Variants in ZNF26 observed in about 807,000 individuals in gnomAD.
ZNF26 encodes zinc finger protein 26.
Under a neutral mutation model 54.9 loss-of-function variants are expected in ZNF26, and 32 were observed. That is an observed-to-expected ratio of 0.58 (90% confidence interval 0.44 to 0.78). The LOEUF is 0.78. Among genes scored for constraint, ZNF26 ranks in the 30% least tolerant of loss-of-function variants. The probability of loss-of-function intolerance (pLI) is 0.00; values close to 1 mark genes in which losing one functional copy is unlikely to be tolerated. For synonymous variants in ZNF26, 221 were observed against 209.2 expected (o/e 1.06, Z -0.49); for missense variants, 524 against 634.0 (o/e 0.83, Z 1.86).
At position 133,013,969 on chromosome 12, in the gene ZNF26, GTAGTTGAGGTA is replaced by G; in HGVS notation, c.*2491_*2501del. 1 of 152,364 alleles carries G rather than the reference GTAGTTGAGGTA, an allele frequency of 6.6e-6. No individual in the cohort carries two copies. The highest frequency in any genetic ancestry group is 6.5e-5 in the Admixed American group (1 of 15,296). The allele number at this position is 152,364 out of a possible 1,614,324, so 9.4% of individuals were successfully genotyped here. ...TTTTGCACAGCCATGGCACAGTTGA[GTAGTTGAGGTA>G]TAAAAAACCTGCCACCTCCTGATAC... On this transcript the variant is annotated 3_prime_UTR_variant, in exon 4 of 4. Coordinates refer to ENST00000328654, the MANE Select transcript of ZNF26 (RefSeq NM_019591.4).
At chr12:133,000,958 T>C (rs1953206512) in intron 1 of ZNF26, among the ~76,000 whole-genome samples, 1 of 152,148 alleles carries the variant, frequency 6.6e-6, no homozygotes, top group Non-Finnish European at 1.5e-5. Flanking sequence ...CTACCTGCTA[T>C]CTGCTGTGCA....
chr12:133,001,133 T>C lies in ZNF26; in HGVS notation c.34-5909T>C, dbSNP rs1953210740. ...CAGCTTGATAAGCACCTCAACGTAA[T>C]AAGGGCACAGTAGTGGCTTCATTTT... On this transcript the variant is annotated intron_variant, in intron 1 of 3. Transcript: ENST00000328654. The surrounding 1 kb of genome is among the most constrained non-coding windows in gnomAD (Gnocchi z 4.7). Among the ~76,000 whole-genome samples, 1 of 152,172 alleles carries C rather than the reference T, an allele frequency of 6.6e-6. No individual in the cohort carries two copies. The highest frequency in any genetic ancestry group is 1.5e-5 in the Non-Finnish European group (1 of 68,034).
rs371690299 is a variant in ZNF26, at chr12:133,016,263, G to A, written c.*4782G>A. On this transcript the variant is annotated 3_prime_UTR_variant, in exon 4 of 4. Coordinates refer to ENST00000328654, the MANE Select transcript of ZNF26 (RefSeq NM_019591.4). Reference sequence around the variant, plus strand: ...AATTTTTGTATTTTTAGTAGAGATGGGGTTTCACCATTTTGGCCAGGATGG... The same window carrying A: ...AATTTTTGTATTTTTAGTAGAGATGAGGTTTCACCATTTTGGCCAGGATGG... The A allele has an allele frequency of 6.6e-5, 10 of 151,526 alleles. No individual in the cohort carries two copies. Among genetic ancestry groups the A allele is most frequent in the African/African-American group, 2.4e-4 (10 of 41,240 alleles). The allele number at this position is 151,526 out of a possible 1,614,324, so 9.4% of individuals were successfully genotyped here.
At position 133,026,161 on chromosome 12, in the gene ZNF26, G is replaced by A. The variant is rs1953702224; in HGVS notation, c.*14680G>A. On this transcript the variant is annotated 3_prime_UTR_variant, in exon 4 of 4. Transcript: ENST00000328654. ...CTCTTTCCCAGGCTGGAGTGCAGTG[G>A]CACGATCCTGGCTCACTGCAGCCTC... 1 of 152,054 alleles carries A rather than the reference G, an allele frequency of 6.6e-6. No homozygotes were observed. The highest frequency in any genetic ancestry group is 6.6e-5 in the Admixed American group (1 of 15,264). 9.4% of individuals were successfully genotyped at this position (152,054 alleles called of 1,614,324 possible). A position where few individuals can be genotyped will look rare whatever the true frequency, so the allele number is the denominator to read the frequency against.
chr12:132,995,896 C>T (rs1337661241), intron 1 of ZNF26, among the ~76,000 whole-genome samples: 1 of 152,190 alleles, frequency 6.6e-6, no homozygotes, highest in East Asian at 1.9e-4. Context: ...AGGTGATCCA[C>T]CCACCTTGGC....
At chr12:133,009,430 A>G (rs1025672719) in intron 3 of ZNF26, among the ~76,000 whole-genome samples, 144 of 152,204 alleles carry the variant, frequency 9.5e-4, no homozygotes, top group African/African-American at 3.4e-3. Context: ...CATCTCTACT[A>G]AAAATACAAA....
intron 1 of ZNF26, among the ~76,000 whole-genome samples, chr12:133,000,386 G>A (rs1953185506): frequency 6.6e-6 from 1 of 151,072 alleles, no homozygotes; most frequent in Non-Finnish European, 1.5e-5. Flanking sequence ...CGAGTAGTGG[G>A]GACTACAGGC....
intron 1 of ZNF26, among the ~76,000 whole-genome samples, chr12:132,994,337 G>A (rs1953027178): frequency 6.6e-6 from 1 of 152,178 alleles, no homozygotes; most frequent in Non-Finnish European, 1.5e-5. Flanking sequence ...TTCTCTTTCA[G>A]ATCTAAGAAG....
intron 1 of ZNF26, among the ~76,000 whole-genome samples, chr12:132,990,388 C>T (rs2137209794): frequency 6.6e-6 from 1 of 152,294 alleles, no homozygotes; most frequent in South Asian, 2.1e-4. Flanking sequence ...CCTTACATAC[C>T]AGGAATAAAT....
At chr12:132,990,303 T>C (rs1952920923) in intron 1 of ZNF26, among the ~76,000 whole-genome samples, 1 of 151,958 alleles carries the variant, frequency 6.6e-6, no homozygotes, top group African/African-American at 2.4e-5. Context: ...AGAAAAAAAG[T>C]TTTTTCTGCA....
In ZNF26 at chr12:133,015,211, G is replaced by A. The variant is rs61953678; in HGVS notation, c.*3730G>A. 0.2 allele frequency: 30,623 copies of A among 151,770 alleles called. 3,924 individuals are homozygous for A. The highest frequency in any genetic ancestry group is 0.29 in the Non-Finnish European group (19,803 of 67,904). 9.4% of individuals were successfully genotyped at this position (151,770 alleles called of 1,614,324 possible). A position where few individuals can be genotyped will look rare whatever the true frequency, so the allele number is the denominator to read the frequency against. ...TCAACTAAAAATACAAAAATTAGTCGGGCATGGTGGCGGGCGCCTGTAATC... is the reference window on the plus strand; with the variant it reads ...TCAACTAAAAATACAAAAATTAGTCAGGCATGGTGGCGGGCGCCTGTAATC... On this transcript the variant is annotated 3_prime_UTR_variant, in exon 4 of 4. Coordinates refer to ENST00000328654, the MANE Select transcript of ZNF26 (RefSeq NM_019591.4).
At chr12:133,008,260 C>T (rs1473464692) in intron 3 of ZNF26, among the ~76,000 whole-genome samples, 1 of 152,156 alleles carries the variant, frequency 6.6e-6, no homozygotes, top group African/African-American at 2.4e-5. Context: ...CGTTCTTCCT[C>T]AAAAGAAATG....
rs1009437751 is a variant in ZNF26 at position 132,990,941 on chromosome 12, C to G, written c.33+4068C>G. On this transcript the variant is annotated intron_variant, in intron 1 of 3. Coordinates refer to ENST00000328654, the MANE Select transcript of ZNF26 (RefSeq NM_019591.4). ...TGGCATGATCATGGCTCACTGCAACCTCTGCCTCCCAGGTTCAAGCGATTC... is the reference window on the plus strand; with the variant it reads ...TGGCATGATCATGGCTCACTGCAACGTCTGCCTCCCAGGTTCAAGCGATTC... 2.4e-3 allele frequency among the ~76,000 whole-genome samples: 367 copies of G among 152,064 alleles called. 1 individual carries two copies. The highest frequency in any genetic ancestry group is 8.3e-3 in the African/African-American group (343 of 41,496).
chr12:132,991,630 CAAA>C (rs1296804934), intron 1 of ZNF26, among the ~76,000 whole-genome samples: 40 of 68,188 alleles, frequency 5.9e-4, no homozygotes, highest in Middle Eastern at 9.6e-3. Flanking sequence ...ACAACAACAA[CAAA>C]AAAAAAAAAA....
At position 133,024,705 on chromosome 12, in the gene ZNF26, A is replaced by G. The variant is rs1242494697; in HGVS notation, c.*13224A>G. The G allele has an allele frequency of 6.6e-6, 1 of 152,122 alleles. No homozygotes were observed. Among genetic ancestry groups the G allele is most frequent in the Non-Finnish European group, 1.5e-5 (1 of 68,020 alleles). The allele number at this position is 152,122 out of a possible 1,614,324, so 9.4% of individuals were successfully genotyped here. ...CAATGAATAAACAAAAAGGACTTCT[A>G]AGGACTTGAGAGAATGCTTCTGTGA... is the stretch of plus-strand genomic sequence containing the variant. On this transcript the variant is annotated 3_prime_UTR_variant, in exon 4 of 4. Transcript: ENST00000328654.
In ZNF26 at chr12:133,022,962, G is replaced by C. The variant is rs1953661885; in HGVS notation, c.*11481G>C. On this transcript the variant is annotated 3_prime_UTR_variant, in exon 4 of 4. Transcript: ENST00000328654. Reference sequence around the variant, plus strand: ...AATGATAATCAAAATCTTTAGGATAGTGTCTACACCCTGTGGAAGAAGCAG... The same window carrying C: ...AATGATAATCAAAATCTTTAGGATACTGTCTACACCCTGTGGAAGAAGCAG... The C allele has an allele frequency of 6.6e-6, 1 of 152,156 alleles. No homozygotes were observed. The allele number at this position is 152,156 out of a possible 1,614,324, so 9.4% of individuals were successfully genotyped here. A position where few individuals can be genotyped will look rare whatever the true frequency, so the allele number is the denominator to read the frequency against.
chr12:133,002,823 C>T (rs1184441843), intron 1 of ZNF26, among the ~76,000 whole-genome samples: 2 of 151,788 alleles, frequency 1.3e-5, no homozygotes, highest in African/African-American at 4.8e-5. Flanking sequence ...AGAGTCTCAC[C>T]ATATTGGCCA....
intron 1 of ZNF26, 122 bp downstream of exon 1, chr12:132,986,995 A>T (rs1408058312): frequency 8.8e-7 from 1 of 1,136,016 alleles, no homozygotes. Context: ...GTAGTTTACT[A>T]GACTACCCTC....
At position 132,986,642 on chromosome 12, in the gene ZNF26, G is replaced by T. The variant is rs1952825712; in HGVS notation, c.-199G>T. ...CCGTGCGACTCCTGGTACCCAGACC[G>T]GGAGGTTGTCTAGTCACGCGCGGTC... On this transcript the variant is annotated 5_prime_UTR_variant, in exon 1 of 4. Coordinates refer to ENST00000328654, the MANE Select transcript of ZNF26 (RefSeq NM_019591.4). 1.7e-6 allele frequency: 1 copy of T among 600,396 alleles called. No homozygotes were observed. The highest frequency in any genetic ancestry group is 2.0e-5 in the South Asian group (1 of 50,680). The allele number at this position is 600,396 out of a possible 1,614,324, so 37.2% of individuals were successfully genotyped here. A position where few individuals can be genotyped will look rare whatever the true frequency, so the allele number is the denominator to read the frequency against.
Sources: gnomAD v4.1 joint callset for allele counts (sites outside exome capture counted in the v4.1 genomes callset) on GRCh38, gnomAD v4.1.1 for gene constraint, Gnocchi (gnomAD v3.1) non-coding constraint, MANE v1.5 for transcripts, NCBI Gene and HGNC (gene_info 2026-07-23, HGNC 2026-07-21) for gene names.